Variants in ENTPD4 observed in about 807,000 individuals in gnomAD.
ENTPD4 encodes the protein Golgi UDPase.
Under a neutral mutation model 79.1 loss-of-function variants are expected in ENTPD4, and 60 were observed. That is an observed-to-expected ratio of 0.76 (90% confidence interval 0.62 to 0.94). The LOEUF (loss-of-function observed/expected upper bound fraction) is 0.94, where lower values mean the gene tolerates loss of function less well. Among genes scored for constraint, ENTPD4 ranks in the 40% least tolerant of loss-of-function variants. ENTPD4 has a pLI of 0.00. For missense variants in ENTPD4, 772 were observed against 775.1 expected, an observed-to-expected ratio of 1.00 and a Z score of 0.05; for synonymous variants, 276 against 292.0, an observed-to-expected ratio of 0.95 and a Z score of 0.56.
Position 23,432,160 on chromosome 8 carries a change from C to CAATA in ENTPD4, c.*762_*765dup, listed in dbSNP as rs1369328999. On this transcript the variant is annotated 3_prime_UTR_variant, in exon 13 of 13. Coordinates refer to ENST00000358689, the MANE Select transcript of ENTPD4 (RefSeq NM_004901.5). ...AAACATATACAGTAACAGACCTGAA[C>CAATA]AATAAATAAAAAAAAAAATCACCCT... 21 of 982,086 alleles carry CAATA rather than the reference C, an allele frequency of 2.1e-5. No individual in the cohort carries two copies. The highest frequency in any genetic ancestry group is 2.3e-5 in the Non-Finnish European group (19 of 828,298). The allele number at this position is 982,086 out of a possible 1,614,324, so 60.8% of individuals were successfully genotyped here. A position where few individuals can be genotyped will look rare whatever the true frequency, so the allele number is the denominator to read the frequency against.
intron 12 of ENTPD4, among the ~76,000 whole-genome samples, chr8:23,433,383 A>G (rs1179065292): frequency 6.6e-6 from 1 of 152,244 alleles, no homozygotes; most frequent in African/African-American, 2.4e-5. Flanking sequence ...GGCAACCAAA[A>G]TCAGAGGAAT....
intron 8 of ENTPD4, among the ~76,000 whole-genome samples, chr8:23,440,516 G>A (rs1004262303): frequency 2.4e-4 from 37 of 152,000 alleles, no homozygotes; most frequent in East Asian, 1.5e-3. Flanking sequence ...TATTCCAAAC[G>A]TTATTTCTAT....
intron 10 of ENTPD4, among the ~76,000 whole-genome samples, chr8:23,436,370 C>T (rs542939439): frequency 8.5e-5 from 13 of 152,142 alleles, no homozygotes; most frequent in South Asian, 6.2e-4. Context: ...TGCCATTAAC[C>T]GAGAGAAGAA....
In ENTPD4 at chr8:23,439,807, T is replaced by C; in HGVS notation, c.991A>G (p.Asn331Asp). The stretch of plus-strand genomic sequence containing the variant: ...TCTTCGTATCTCTGTCGAGCAGCAT[T>C]GCCACCAAACCCAAGAAACGTGGCC... Reference protein sequence around the residue: ...YVATFLGFGGNAARQRYEDRI... With the variant: ...YVATFLGFGGDAARQRYEDRI... Residue 331 changes from asparagine (N) to aspartate (D), a missense_variant, in exon 9 of 13, where the codon AAT becomes GAT. Coordinates refer to ENST00000358689, the MANE Select transcript of ENTPD4 (RefSeq NM_004901.5). 1 of 1,614,194 alleles carries C rather than the reference T, an allele frequency of 6.2e-7. No individual in the cohort carries two copies. Among genetic ancestry groups the C allele is most frequent in the South Asian group, 1.1e-5 (1 of 91,084 alleles).
chr8:23,434,258 G>A, intron 12 of ENTPD4, 59 bp downstream of exon 12: 1 of 1,593,926 alleles, frequency 6.3e-7, no homozygotes. Context: ...GCTGCCATGA[G>A]GTGCTGTAAC....
chr8:23,448,923 G>T lies in ENTPD4; in HGVS notation c.25C>A (p.Leu9Ile). 1 of 1,613,674 alleles carries T rather than the reference G, an allele frequency of 6.2e-7. No homozygotes were observed. Among genetic ancestry groups the T allele is most frequent in the South Asian group, 1.1e-5 (1 of 91,006 alleles). MGRIGISCLFPASWHFSIS... is the reference protein window; with the variant it reads MGRIGISCIFPASWHFSIS... ...CTAAAATGCCAAGAAGCAGGAAAAAGACAGGAGATGCCAATCCTGAAATTA... is the reference window on the plus strand; with the variant it reads ...CTAAAATGCCAAGAAGCAGGAAAAATACAGGAGATGCCAATCCTGAAATTA... Residue 9 changes from leucine (L) to isoleucine (I), a missense_variant, in exon 3 of 13, where the codon CTT becomes ATT. Transcript: ENST00000358689.
At chr8:23,455,943 C>T (rs775670649) in intron 1 of ENTPD4, among the ~76,000 whole-genome samples, 52 of 152,170 alleles carry the variant, frequency 3.4e-4, no homozygotes, top group Admixed American at 7.9e-4. Context: ...CCTCAGATAT[C>T]CCTCATATCT....
rs1055242058 is a variant in ENTPD4 at position 23,434,654 on chromosome 8, C to T, written c.1461-176G>A. ...AAGGTTGATGTACTTGCTTCACATC[C>T]CTGGTCCCACAACATGGAGCAGTTC... On this transcript the variant is annotated intron_variant, in intron 11 of 12. Coordinates refer to ENST00000358689, the MANE Select transcript of ENTPD4 (RefSeq NM_004901.5). The T allele has an allele frequency of 3.7e-4, 533 of 1,433,716 alleles. 2 individuals are homozygous for T. The highest frequency in any genetic ancestry group is 9.2e-4 in the Admixed American group (33 of 35,734). 88.8% of individuals were successfully genotyped at this position (1,433,716 alleles called of 1,614,324 possible).
chr8:23,441,513 G>A, intron 8 of ENTPD4, 56 bp downstream of exon 8: 1 of 1,594,312 alleles, frequency 6.3e-7, no homozygotes, highest in Non-Finnish European at 8.6e-7. Flanking sequence ...AAGAACGATG[G>A]ACACACGTTA....
intron 10 of ENTPD4, among the ~76,000 whole-genome samples, chr8:23,436,496 T>C (rs1317693104): frequency 6.6e-6 from 1 of 152,030 alleles, no homozygotes; most frequent in Non-Finnish European, 1.5e-5. Context: ...AAACCCTGAA[T>C]ATGGATGAGA....
chr8:23,448,531 C>CCT (rs1298570016), intron 3 of ENTPD4, among the ~76,000 whole-genome samples: 1 of 152,168 alleles, frequency 6.6e-6, no homozygotes, highest in Non-Finnish European at 1.5e-5. Flanking sequence ...AGCAAGAAGA[C>CCT]CTCCTCATCT....
intron 8 of ENTPD4, among the ~76,000 whole-genome samples, chr8:23,440,660 G>A (rs1247664150): frequency 6.6e-6 from 1 of 152,192 alleles, no homozygotes; most frequent in African/African-American, 2.4e-5. Flanking sequence ...ATTTTTCCAA[G>A]GAACTTAATA....
At position 23,442,005 on chromosome 8, in the gene ENTPD4, A is replaced by G. The variant is rs1250157056; in HGVS notation, c.727+2T>C. ...TACATTTGTTGGAACCATGACACTT[A>G]CCATCTTCAATATGCTCAAATCGTC... On this transcript the variant is annotated splice_donor_variant, in intron 7 of 12. Transcript: ENST00000358689. LOFTEE classifies it high-confidence loss of function. 1 of 1,611,526 alleles carries G rather than the reference A, an allele frequency of 6.2e-7. No individual in the cohort carries two copies. Among genetic ancestry groups the G allele is most frequent in the African/African-American group, 1.3e-5 (1 of 74,998 alleles).
intron 1 of ENTPD4, among the ~76,000 whole-genome samples, chr8:23,453,459 C>T (rs1000733590): frequency 6.6e-6 from 1 of 152,104 alleles, no homozygotes; most frequent in Admixed American, 6.5e-5. Flanking sequence ...AGTAAATAAC[C>T]TTTACATAGC....
chr8:23,453,731 C>T (rs1800905270), intron 1 of ENTPD4, among the ~76,000 whole-genome samples: 1 of 152,180 alleles, frequency 6.6e-6, no homozygotes, highest in Non-Finnish European at 1.5e-5. Context: ...GGGTGACACA[C>T]ACGAACACTT....
intron 10 of ENTPD4, among the ~76,000 whole-genome samples, chr8:23,436,434 C>G (rs746867786): frequency 1.3e-5 from 2 of 152,032 alleles, no homozygotes; most frequent in African/African-American, 2.4e-5. Flanking sequence ...TGGAATCTAG[C>G]AGGCAACCGG....
At chr8:23,439,679 C>A (rs2117284890) in intron 9 of ENTPD4, 70 bp downstream of exon 9, 1 of 1,453,658 alleles carries the variant, frequency 6.9e-7, no homozygotes. Flanking sequence ...TCCCACTTTG[C>A]CTGGGTCTGT....
At position 23,431,484 on chromosome 8, in the gene ENTPD4, T is replaced by C. The variant is rs1325936971; in HGVS notation, c.*1442A>G. On this transcript the variant is annotated 3_prime_UTR_variant, in exon 13 of 13. Coordinates refer to ENST00000358689, the MANE Select transcript of ENTPD4 (RefSeq NM_004901.5). Reference sequence around the variant, plus strand: ...ACCAATCTCACATATGCCAATCCAATTGTCCTTTTTAGATTTTGGCTTAAA... The same window carrying C: ...ACCAATCTCACATATGCCAATCCAACTGTCCTTTTTAGATTTTGGCTTAAA... The C allele has an allele frequency of 1.0e-6, 1 of 985,408 alleles. No individual in the cohort carries two copies. The highest frequency in any genetic ancestry group is 6.1e-5 in the Admixed American group (1 of 16,292). 61.0% of individuals were successfully genotyped at this position (985,408 alleles called of 1,614,324 possible).
intron 9 of ENTPD4, among the ~76,000 whole-genome samples, chr8:23,439,297 T>C (rs898734854): frequency 1.3e-5 from 2 of 152,212 alleles, no homozygotes; most frequent in African/African-American, 4.8e-5. Flanking sequence ...TCTTATCCAC[T>C]AACTAGCTGC....
Sources: allele counts gnomAD v4.1 joint callset (sites outside exome capture counted in the v4.1 genomes callset), GRCh38; gene constraint gnomAD v4.1.1; transcripts MANE v1.5; gene names NCBI Gene and HGNC (gene_info 2026-07-23, HGNC 2026-07-21).